DGKB: variants seen among roughly 807,000 people sequenced by gnomAD.
DGKB encodes 90 kDa diacylglycerol kinase.
In DGKB, 67 loss-of-function variants were observed where a neutral mutation model predicts 114.3. The observed-to-expected ratio is 0.59, with a 90% CI of 0.48 to 0.72. The LOEUF (loss-of-function observed/expected upper bound fraction) is 0.72. Ranked by LOEUF, DGKB falls within the 30% of genes least tolerant of loss-of-function variation. The pLI is 0.00. For synonymous variants in DGKB, 398 were observed against 323.1 expected, an observed-to-expected ratio of 1.23 and a Z score of -2.49; for missense variants, 907 against 975.2, an observed-to-expected ratio of 0.93 and a Z score of 0.93.
rs769879424 is a variant in DGKB, at chr7:14,192,025, G to A, written c.2123-13874C>T. The A allele has an allele frequency of 1.8e-5, 9 of 491,788 alleles. No individual in the cohort carries two copies. In the Admixed American group the frequency reaches 1.9e-4, roughly 10 times the overall value. 30.5% of individuals were successfully genotyped at this position (491,788 alleles called of 1,614,324 possible). A position where few individuals can be genotyped will look rare whatever the true frequency, so the allele number is the denominator to read the frequency against. On this transcript the variant is annotated intron_variant, in intron 23 of 25. Transcript: ENST00000402815. The stretch of plus-strand genomic sequence containing the variant: ...GAGAGCTTTTCTGACTATCCTCTGA[G>A]TCATTTTGCTATTTGTTCTATGAGA...
In DGKB at chr7:14,757,955, T is replaced by C. The variant is rs544861105; in HGVS notation, c.71-224A>G. ...CTGCATTAAATAAAAACAATACAGC[T>C]GGATAAGAAAAATATGGGTAGCTAA... On this transcript the variant is annotated intron_variant, in intron 2 of 25. Transcript: ENST00000402815. Among the ~76,000 whole-genome samples, 3 of 152,180 alleles carry C rather than the reference T, an allele frequency of 2.0e-5. No homozygotes were observed. The East Asian group carries it at 5.8e-4, about 29-fold the overall frequency.
chr7:14,734,697 G>A (rs1001051583), intron 5 of DGKB, among the ~76,000 whole-genome samples: 19 of 151,952 alleles, frequency 1.3e-4, no homozygotes, highest in African/African-American at 4.4e-4. Flanking sequence ...CATAATAATG[G>A]GTTATTTTTT....
chr7:14,713,000 C>A (rs1166625700), intron 6 of DGKB, among the ~76,000 whole-genome samples: 4 of 152,188 alleles, frequency 2.6e-5, no homozygotes, highest in African/African-American at 9.6e-5. Context: ...TCTGACAACA[C>A]GACAGCTTCC....
intron 21 of DGKB, among the ~76,000 whole-genome samples, chr7:14,409,822 TAAAC>T (rs1824564770): frequency 6.6e-6 from 1 of 152,060 alleles, no homozygotes; most frequent in Non-Finnish European, 1.5e-5. Context: ...ATTCATCTTA[TAAAC>T]AGACAAGTAC....
rs1337634118 is a variant in DGKB at position 14,969,106 on chromosome 7, T to C, written c.-188+5590A>G. On this transcript the variant is annotated intron_variant, in intron 1 of 4. Coordinates refer to the DGKB transcript ENST00000437998. ...CAATTGCAGCAACAGATTATGGTGA[T>C]ATCAGAGAACAACCAAAGGTAGGTA... 3.3e-5 allele frequency among the ~76,000 whole-genome samples: 5 copies of C among 152,218 alleles called. No homozygotes were observed. The South Asian group carries it at 1.0e-3, about 31-fold the overall frequency.
intron 1 of DGKB, among the ~76,000 whole-genome samples, chr7:14,918,253 C>T (rs780520445): frequency 6.6e-6 from 1 of 151,866 alleles, no homozygotes; most frequent in African/African-American, 2.4e-5. Context: ...TAGGTAACTT[C>T]GTAGATAAGA....
In DGKB at chr7:14,481,937, G is replaced by T. The variant is rs190009473; in HGVS notation, c.1771-3712C>A. On this transcript the variant is annotated intron_variant, in intron 20 of 25. Coordinates refer to ENST00000402815, the MANE Select transcript of DGKB (RefSeq NM_001350709.2). ...GTATACTTCAAAAAGTTTTGTCAAA[G>T]GTACACAATAACAACAATCTTTTCC... Among the ~76,000 whole-genome samples, 30 of 151,966 alleles carry T rather than the reference G, an allele frequency of 2.0e-4. No individual in the cohort carries two copies. In the East Asian group the frequency reaches 5.6e-3, roughly 28 times the overall value.
intron 23 of DGKB, among the ~76,000 whole-genome samples, chr7:14,288,574 T>G (rs1801258809): frequency 6.6e-6 from 1 of 152,036 alleles, no homozygotes; most frequent in African/African-American, 2.4e-5. Context: ...CTCTCTCCTT[T>G]TCCTCCCTTG....
At chr7:14,562,703 A>G (rs1057431755) in intron 20 of DGKB, among the ~76,000 whole-genome samples, 1 of 152,080 alleles carries the variant, frequency 6.6e-6, no homozygotes, top group Non-Finnish European at 1.5e-5. Flanking sequence ...GAATGAGTGT[A>G]TTTACCCAAT....
At chr7:14,941,008 G>T (rs1214464496) in intron 1 of DGKB, among the ~76,000 whole-genome samples, 1 of 151,830 alleles carries the variant, frequency 6.6e-6, no homozygotes, top group Non-Finnish European at 1.5e-5. Context: ...ATGTATTATT[G>T]AATTGTCAAA....
chr7:14,645,899 G>A (rs143912192), intron 13 of DGKB, among the ~76,000 whole-genome samples: 6 of 152,102 alleles, frequency 3.9e-5, no homozygotes, highest in Non-Finnish European at 5.9e-5. Context: ...GAAAGACAAG[G>A]AATGAAATGT....
At chr7:14,372,493 G>C (rs1277995752) in intron 21 of DGKB, among the ~76,000 whole-genome samples, 1 of 152,078 alleles carries the variant, frequency 6.6e-6, no homozygotes. Flanking sequence ...TACATCACTT[G>C]TGACAACAAG....
At chr7:14,640,317 T>A (rs982184231) in intron 13 of DGKB, among the ~76,000 whole-genome samples, 16 of 152,042 alleles carry the variant, frequency 1.1e-4, no homozygotes, top group Non-Finnish European at 4.4e-5. Context: ...ATGAAAGAAA[T>A]CTGAAAGAAT....
intron 20 of DGKB, among the ~76,000 whole-genome samples, chr7:14,490,410 GTTTA>G (rs1299070425): frequency 6.6e-6 from 1 of 152,212 alleles, no homozygotes; most frequent in South Asian, 2.1e-4. Flanking sequence ...TGACAGCATA[GTTTA>G]TTTATTTGCA....
At chr7:14,934,389 A>G (rs1454290566) in intron 1 of DGKB, among the ~76,000 whole-genome samples, 1 of 152,200 alleles carries the variant, frequency 6.6e-6, no homozygotes, top group Non-Finnish European at 1.5e-5. Context: ...GAGAAAAGCA[A>G]GCAATTATGT....
intron 15 of DGKB, among the ~76,000 whole-genome samples, chr7:14,614,312 G>A (rs1303942075): frequency 6.6e-6 from 1 of 152,044 alleles, no homozygotes; most frequent in Admixed American, 6.6e-5. Flanking sequence ...TGATTCCAAT[G>A]TTAAATAACA....
chr7:14,532,037 C>G (rs1466149719), intron 20 of DGKB, among the ~76,000 whole-genome samples: 1 of 151,054 alleles, frequency 6.6e-6, no homozygotes, highest in Non-Finnish European at 1.5e-5. Flanking sequence ...ATCCTACATC[C>G]AAATAAATGG....
chr7:14,234,192 G>A (rs946031189), intron 23 of DGKB, among the ~76,000 whole-genome samples: 1 of 151,950 alleles, frequency 6.6e-6, no homozygotes, highest in Non-Finnish European at 1.5e-5. Flanking sequence ...AAGTAGTAAA[G>A]ATAAAAGAAT....
At chr7:14,567,275 T>TA (rs1451238010) in intron 20 of DGKB, among the ~76,000 whole-genome samples, 1 of 53,598 alleles carries the variant, frequency 1.9e-5, no homozygotes, top group Non-Finnish European at 3.1e-5. Context: ...ATATATATAA[T>TA]TATATTATAT....
Sources: gnomAD v4.1 joint callset for allele counts (sites outside exome capture counted in the v4.1 genomes callset) on GRCh38, gnomAD v4.1.1 for gene constraint, MANE v1.5 for transcripts, NCBI Gene and HGNC (gene_info 2026-07-23, HGNC 2026-07-21) for gene names.